The following RGS7 variants were observed in gnomAD, a reference collection of about 807,000 sequenced individuals.
The protein encoded by RGS7 is regulator of G-protein signaling 7.
A neutral mutation model predicts 81.1 loss-of-function variants in RGS7; 27 were observed. The ratio of observed to expected loss-of-function variants is 0.33; its 90% CI spans 0.25 to 0.46. The LOEUF is 0.46. Ranked by LOEUF, RGS7 falls within the 20% of genes least tolerant of loss-of-function variation. The pLI is 1.00. For missense variants in RGS7, 396 were observed against 607.4 expected (o/e 0.65, Z 3.66); for synonymous variants, 208 against 207.7 (o/e 1.00, Z -0.01).
At position 241,271,123 on chromosome 1, in the gene RGS7, G is replaced by A. The variant is rs933315265; in HGVS notation, c.78+84576C>T. Among the ~76,000 whole-genome samples the A allele has an allele frequency of 1.3e-5, 2 of 152,220 alleles. No homozygotes were observed. Among genetic ancestry groups the A allele is most frequent in the Admixed American group, 6.5e-5 (1 of 15,292 alleles). On this transcript the variant is annotated intron_variant, in intron 2 of 18. Coordinates refer to ENST00000440928, the MANE Select transcript of RGS7 (RefSeq NM_001364886.1). The surrounding 1 kb of genome is among the most constrained non-coding windows in gnomAD (Gnocchi z 4.6). ...TCATCATTGCCGACCTGTGTGGAAT[G>A]TGAACCTGAGTATTTTCTATTGGCG...
chr1:240,976,524 A>G (rs1684083721), intron 4 of RGS7, among the ~76,000 whole-genome samples: 2 of 152,088 alleles, frequency 1.3e-5, no homozygotes, highest in African/African-American at 4.8e-5. Context: ...AAAGCAGATT[A>G]CTCTTCGTAA....
At chr1:241,086,526 A>G (rs2148911158) in intron 3 of RGS7, among the ~76,000 whole-genome samples, 1 of 152,078 alleles carries the variant, frequency 6.6e-6, no homozygotes, top group East Asian at 1.9e-4. Flanking sequence ...CCTTGGGTCA[A>G]GCCTTCATCA....
chr1:241,175,590 C>A (rs2071073730), intron 2 of RGS7, among the ~76,000 whole-genome samples: 1 of 152,126 alleles, frequency 6.6e-6, no homozygotes, highest in African/African-American at 2.4e-5. Flanking sequence ...AGAATGCTAG[C>A]CAGACCATGA....
intron 2 of RGS7, among the ~76,000 whole-genome samples, chr1:241,308,417 G>C (rs1454738178): frequency 2.0e-5 from 3 of 152,192 alleles, no homozygotes; most frequent in Non-Finnish European, 4.4e-5. Context: ...TTTGTGTTTT[G>C]ACACGGATAT....
chr1:241,029,637 T>A (rs1337997620), intron 3 of RGS7, among the ~76,000 whole-genome samples: 2 of 152,190 alleles, frequency 1.3e-5, no homozygotes, highest in African/African-American at 2.4e-5. Flanking sequence ...CATCCCAGGG[T>A]CTTATTTACC....
At chr1:241,041,631 T>C (rs1473971811) in intron 3 of RGS7, among the ~76,000 whole-genome samples, 1 of 152,166 alleles carries the variant, frequency 6.6e-6, no homozygotes, top group Non-Finnish European at 1.5e-5. Context: ...AATCTTCCCA[T>C]GCAGATGTTG....
intron 2 of RGS7, among the ~76,000 whole-genome samples, chr1:241,252,204 T>C (rs959953044): frequency 2.6e-5 from 4 of 151,864 alleles, no homozygotes; most frequent in African/African-American, 7.3e-5. Context: ...CCACCACTCC[T>C]GGCTAATGTT....
At chr1:240,917,982 T>C (rs1298534168) in intron 6 of RGS7, among the ~76,000 whole-genome samples, 3 of 152,188 alleles carry the variant, frequency 2.0e-5, no homozygotes, top group Non-Finnish European at 4.4e-5. Context: ...ACAAAGACTC[T>C]AGAAAAAACA....
intron 14 of RGS7, among the ~76,000 whole-genome samples, chr1:240,809,780 C>T (rs1411236985): frequency 6.6e-6 from 1 of 152,058 alleles, no homozygotes; most frequent in African/African-American, 2.4e-5. Context: ...TAATCTACAT[C>T]TTTCATTTAT....
At chr1:241,162,122 G>A (rs2069745013) in intron 2 of RGS7, among the ~76,000 whole-genome samples, 2 of 151,962 alleles carry the variant, frequency 1.3e-5, no homozygotes, top group South Asian at 2.1e-4. Flanking sequence ...TAATGGTCAG[G>A]AGGTTGTTAA....
chr1:241,252,193 A>G (rs2148220646), intron 2 of RGS7, among the ~76,000 whole-genome samples: 1 of 151,588 alleles, frequency 6.6e-6, no homozygotes, highest in East Asian at 2.0e-4. Flanking sequence ...ACAGGCGCCC[A>G]CCACCACTCC....
chr1:241,006,875 C>G (rs1017866186), intron 3 of RGS7, among the ~76,000 whole-genome samples: 10 of 152,106 alleles, frequency 6.6e-5, no homozygotes, highest in Non-Finnish European at 1.5e-4. Context: ...TGATGATCAG[C>G]TCCTACTTAA....
chr1:241,269,785 A>G lies in RGS7; in HGVS notation c.78+85914T>C, dbSNP rs147280087. ...TCTCAATTCGATGTATTGGTTTTCC[A>G]CAACCTAATCTATGAATTTTCAAGT... is the stretch of plus-strand genomic sequence containing the variant. On this transcript the variant is annotated intron_variant, in intron 2 of 18. Coordinates refer to ENST00000440928, the MANE Select transcript of RGS7 (RefSeq NM_001364886.1). Among the ~76,000 whole-genome samples, 80 of 152,334 alleles carry G rather than the reference A, an allele frequency of 5.3e-4. 1 individual carries two copies. The highest frequency in any genetic ancestry group is 1.8e-3 in the African/African-American group (76 of 41,582).
At chr1:240,865,983 T>A (rs1311364885) in intron 9 of RGS7, among the ~76,000 whole-genome samples, 3 of 152,176 alleles carry the variant, frequency 2.0e-5, no homozygotes, top group African/African-American at 7.2e-5. Context: ...AAAAACAAGA[T>A]AAACACCAGT....
chr1:241,063,766 T>TA (rs2061875755), intron 3 of RGS7, among the ~76,000 whole-genome samples: 1 of 152,156 alleles, frequency 6.6e-6, no homozygotes. Flanking sequence ...TTATTGCATG[T>TA]AAAAATGATG....
chr1:241,007,887 G>A (rs779818719), intron 3 of RGS7, among the ~76,000 whole-genome samples: 11 of 152,166 alleles, frequency 7.2e-5, no homozygotes, highest in Non-Finnish European at 8.8e-5. Flanking sequence ...CCAACTGTGC[G>A]GGCACATGCG....
intron 3 of RGS7, among the ~76,000 whole-genome samples, chr1:241,049,582 T>G (rs2061140588): frequency 6.6e-6 from 1 of 152,168 alleles, no homozygotes; most frequent in African/African-American, 2.4e-5. Flanking sequence ...TGGACAACTT[T>G]TGTAATATAT....
intron 6 of RGS7, among the ~76,000 whole-genome samples, chr1:240,930,369 T>C (rs141785276): frequency 0.016 from 2,412 of 151,980 alleles, 25 homozygotes; most frequent in Non-Finnish European, 0.022. Flanking sequence ...CACAGCTAAG[T>C]GGGAGAGTTG....
At chr1:241,168,256 A>C (rs904183777) in intron 2 of RGS7, among the ~76,000 whole-genome samples, 1 of 152,168 alleles carries the variant, frequency 6.6e-6, no homozygotes, top group Non-Finnish European at 1.5e-5. Flanking sequence ...AGGAGGGATA[A>C]AGGGGGGACA....
Sources: gnomAD v4.1 joint callset for allele counts (sites outside exome capture counted in the v4.1 genomes callset) on GRCh38, gnomAD v4.1.1 for gene constraint, Gnocchi (gnomAD v3.1) non-coding constraint, MANE v1.5 for transcripts, NCBI Gene and HGNC (gene_info 2026-07-23, HGNC 2026-07-21) for gene names.